The following TBC1D22B variants were observed in gnomAD, a reference collection of about 807,000 sequenced individuals.
TBC1D22B encodes chromosome 6 open reading frame 197.
A neutral mutation model predicts 69.1 loss-of-function variants in TBC1D22B; 32 were observed. The observed-to-expected ratio is 0.46, with a 90% CI of 0.35 to 0.62. The LOEUF (loss-of-function observed/expected upper bound fraction) is 0.62, where lower values mean the gene tolerates loss of function less well. Among genes scored for constraint, TBC1D22B ranks in the 20% least tolerant of loss-of-function variants. The pLI, the probability that TBC1D22B is intolerant of heterozygous loss-of-function variation, is 0.00. For missense variants in TBC1D22B, 462 were observed against 630.9 expected, an observed-to-expected ratio of 0.73 and a Z score of 2.87; for synonymous variants, 206 against 229.8, an observed-to-expected ratio of 0.90 and a Z score of 0.94.
chr6:37,298,539 G>GTTT lies in TBC1D22B; in HGVS notation c.982+7204_982+7206dup, dbSNP rs34996865. Among the ~76,000 whole-genome samples the GTTT allele has an allele frequency of 1.6e-3, 116 of 71,256 alleles. 5 individuals are homozygous for GTTT. Among genetic ancestry groups the GTTT allele is most frequent in the African/African-American group, 3.1e-3 (51 of 16,304 alleles). 46.7% of individuals were successfully genotyped at this position (71,256 alleles called of 152,430 possible). ...TAGAAGAACATTTAAGTTGCCTACA[G>GTTT]TTTTTTTTTTTTTTTTTTTTTTTTG... On this transcript the variant is annotated intron_variant, in intron 8 of 12. Coordinates refer to ENST00000373491, the MANE Select transcript of TBC1D22B (RefSeq NM_017772.4).
intron 12 of TBC1D22B, among the ~76,000 whole-genome samples, chr6:37,324,039 G>T (rs1002159730): frequency 2.9e-4 from 44 of 152,226 alleles, no homozygotes; most frequent in Admixed American, 2.2e-3. Flanking sequence ...ATAGGGACCA[G>T]AGGAAATGTT....
chr6:37,284,709 A>G (rs116544480), intron 6 of TBC1D22B, among the ~76,000 whole-genome samples: 309 of 152,342 alleles, frequency 2.0e-3, no homozygotes, highest in Middle Eastern at 6.8e-3. Context: ...TGTACATACA[A>G]ATCACCTAGG....
At chr6:37,291,153 C>G (rs1392022162) in intron 7 of TBC1D22B, 90 bp from the exon 8 acceptor site, 4 of 919,908 alleles carry the variant, frequency 4.3e-6, no homozygotes, top group Non-Finnish European at 7.0e-6. Context: ...CTACACCAAC[C>G]TGGAGGTAAA....
chr6:37,317,178 AAG>A lies in TBC1D22B; in HGVS notation c.1365_1366del (p.Glu455AspfsTer4). ...GCAGCCTTCTTGATCAAGTGGAGGAAAGAGATCTTGGATGAGGAGGATTTTCA... is the reference window on the plus strand; with the variant it reads ...GCAGCCTTCTTGATCAAGTGGAGGAAAGATCTTGGATGAGGAGGATTTTCA... On this transcript the variant is annotated frameshift_variant, in exon 12 of 13. Coordinates refer to ENST00000373491, the MANE Select transcript of TBC1D22B (RefSeq NM_017772.4). LOFTEE classifies it high-confidence loss of function. The A allele has an allele frequency of 6.3e-7, 1 of 1,575,844 alleles. No homozygotes were observed. Among genetic ancestry groups the A allele is most frequent in the Non-Finnish European group, 8.6e-7 (1 of 1,158,370 alleles).
At chr6:37,321,460 A>G (rs1220128701) in intron 12 of TBC1D22B, among the ~76,000 whole-genome samples, 1 of 152,218 alleles carries the variant, frequency 6.6e-6, no homozygotes, top group Non-Finnish European at 1.5e-5. Context: ...ACAAAGAAAC[A>G]TTTAGCAACA....
At chr6:37,287,215 T>C in intron 7 of TBC1D22B, 143 bp downstream of exon 7, 1 of 569,978 alleles carries the variant, frequency 1.8e-6, no homozygotes. Context: ...TCATACATTT[T>C]CATTTGATCT....
At chr6:37,269,916 C>G (rs533038878) in intron 2 of TBC1D22B, among the ~76,000 whole-genome samples, 92 of 152,256 alleles carry the variant, frequency 6.0e-4, no homozygotes, top group African/African-American at 1.8e-3. Flanking sequence ...AGAGAATAGT[C>G]AAAAGGTCTT....
chr6:37,322,553 AC>A (rs1171940717), intron 12 of TBC1D22B, among the ~76,000 whole-genome samples: 16 of 152,214 alleles, frequency 1.1e-4, no homozygotes, highest in Non-Finnish European at 4.4e-5. Flanking sequence ...AGCAAAGGGA[AC>A]TTTTGAGGGA....
In TBC1D22B at chr6:37,257,961, A is replaced by T; in HGVS notation, c.44A>T (p.Lys15Met). The T allele has an allele frequency of 6.2e-7, 1 of 1,614,110 alleles. No homozygotes were observed. The highest frequency in any genetic ancestry group is 1.1e-5 in the South Asian group (1 of 91,050). ...AAGCAGTTTTGGAAGAGGAGCGCTA[A>T]GCTGCCGGGGAGGTGAGCCCAGGAC... ...NSKQFWKRSA[K>M]LPGSIQPVYG... The change falls in exon 1 of 13, where the codon AAG becomes ATG. Residue 15 changes from lysine to methionine, a missense_variant. By Grantham distance (95) the Lys-to-Met change is moderately conservative. This residue lies in a region of TBC1D22B where 237 missense variants were observed against 255.4 expected (regional missense o/e 0.93). Coordinates refer to ENST00000373491, the MANE Select transcript of TBC1D22B (RefSeq NM_017772.4).
chr6:37,321,722 G>A (rs1768249817), intron 12 of TBC1D22B, among the ~76,000 whole-genome samples: 1 of 152,196 alleles, frequency 6.6e-6, no homozygotes, highest in Non-Finnish European at 1.5e-5. Context: ...CAGGTTATGG[G>A]TGAAGAGCAG....
chr6:37,327,858 C>T (rs1417448505), intron 12 of TBC1D22B, among the ~76,000 whole-genome samples: 10 of 151,888 alleles, frequency 6.6e-5, no homozygotes, highest in East Asian at 1.9e-4. Context: ...ACCATCATGA[C>T]GGCTTTGAGT....
intron 1 of TBC1D22B, among the ~76,000 whole-genome samples, chr6:37,263,911 G>A (rs755873881): frequency 3.9e-5 from 6 of 152,160 alleles, no homozygotes; most frequent in Non-Finnish European, 5.9e-5. Context: ...AATGAAATGT[G>A]ACAAATGTTA....
intron 6 of TBC1D22B, among the ~76,000 whole-genome samples, chr6:37,286,385 G>C (rs1034941347): frequency 4.7e-5 from 7 of 150,472 alleles, no homozygotes; most frequent in Non-Finnish European, 8.9e-5. Context: ...GCCCGATCTC[G>C]GCTCACTGCA....
Position 37,315,459 on chromosome 6 carries a change from A to G in TBC1D22B, c.1166-1244A>G, listed in dbSNP as rs890700894. Among the ~76,000 whole-genome samples, 3 of 152,234 alleles carry G rather than the reference A, an allele frequency of 2.0e-5. No homozygotes were observed. In the East Asian group the frequency reaches 5.8e-4, roughly 30 times the overall value. On this transcript the variant is annotated intron_variant, in intron 10 of 12. Transcript: ENST00000373491. ...GTAGTCCCAGCTACTCAGGAGGTTGAGATGGAAGGATCACTCGAGCCCAGG... is the reference window on the plus strand; with the variant it reads ...GTAGTCCCAGCTACTCAGGAGGTTGGGATGGAAGGATCACTCGAGCCCAGG...
intron 7 of TBC1D22B, among the ~76,000 whole-genome samples, chr6:37,289,056 T>A (rs759679415): frequency 6.6e-6 from 1 of 151,762 alleles, no homozygotes; most frequent in Non-Finnish European, 1.5e-5. Flanking sequence ...ACCTGGCTAA[T>A]TTTTTTTCTC....
chr6:37,279,308 A>G lies in TBC1D22B; in HGVS notation c.118A>G (p.Ile40Val), dbSNP rs1766753028. 3.1e-6 allele frequency: 5 copies of G among 1,593,406 alleles called. No individual in the cohort carries two copies. The highest frequency in any genetic ancestry group is 1.8e-5 in the Admixed American group (1 of 56,604). The change falls in exon 3 of 13, where the codon ATT (isoleucine) becomes GTT (valine). Residue 40 changes from isoleucine to valine, a missense_variant. Coordinates refer to ENST00000373491, the MANE Select transcript of TBC1D22B (RefSeq NM_017772.4). ...ATCGTGTCTCCTTTCTTGAAGTTTC[A>G]TTAAAGAACGATCAAAAGTCAACAC... The part of the protein sequence containing the change: ...PLDPRLTKNF[I>V]KERSKVNTVP...
intron 12 of TBC1D22B, chr6:37,324,470 C>T (rs1768337574): frequency 2.5e-6 from 1 of 403,624 alleles, no homozygotes. Flanking sequence ...CTATTATGCA[C>T]CAAAATGCCT....
At chr6:37,312,820 A>G in intron 8 of TBC1D22B, 98 bp from the exon 9 acceptor site, 1 of 958,068 alleles carries the variant, frequency 1.0e-6, no homozygotes, top group Non-Finnish European at 1.6e-6. Context: ...CCTGGTCCTC[A>G]CTTGGCCTTA....
At chr6:37,319,908 A>G (rs1442214424) in intron 12 of TBC1D22B, among the ~76,000 whole-genome samples, 1 of 152,236 alleles carries the variant, frequency 6.6e-6, no homozygotes, top group Non-Finnish European at 1.5e-5. Context: ...AAGTAGGCAC[A>G]TGTATCCTAA....
Sources: allele counts gnomAD v4.1 joint callset (sites outside exome capture counted in the v4.1 genomes callset), GRCh38; gene constraint gnomAD v4.1.1; regional missense constraint gnomAD v4.1.1; transcripts MANE v1.5; gene names NCBI Gene and HGNC (gene_info 2026-07-23, HGNC 2026-07-21).